The following STAM variants were observed in gnomAD, a reference collection of about 807,000 sequenced individuals.
The protein encoded by STAM is signal transducing adapter molecule 1.
Under a neutral mutation model 63.4 loss-of-function variants are expected in STAM, and 16 were observed. The ratio of observed to expected loss-of-function variants is 0.25; its 90% CI spans 0.17 to 0.38. STAM has a LOEUF of 0.38. Among genes scored for constraint, STAM ranks in the 10% least tolerant of loss-of-function variants. The probability of loss-of-function intolerance (pLI) is 1.00; values close to 1 mark genes in which losing one functional copy is unlikely to be tolerated. For synonymous variants in STAM, 238 were observed against 223.9 expected (o/e 1.06, Z -0.56); for missense variants, 636 against 657.1 (o/e 0.97, Z 0.35).
intron 9 of STAM, among the ~76,000 whole-genome samples, chr10:17,703,324 G>A (rs1156622056): frequency 6.6e-6 from 1 of 150,418 alleles, no homozygotes; most frequent in South Asian, 2.1e-4. Flanking sequence ...ATTTTGACTT[G>A]GGAAGAGTTT....
chr10:17,676,759 A>C (rs1834873800), intron 2 of STAM, among the ~76,000 whole-genome samples: 1 of 152,182 alleles, frequency 6.6e-6, no homozygotes, highest in South Asian at 2.1e-4. Context: ...CCATGCTTGT[A>C]ATCAACTTTC....
At chr10:17,669,310 T>C (rs1428829033) in intron 2 of STAM, among the ~76,000 whole-genome samples, 1 of 151,958 alleles carries the variant, frequency 6.6e-6, no homozygotes, top group African/African-American at 2.4e-5. Flanking sequence ...CACATGGTTT[T>C]AATTATTAAT....
chr10:17,675,976 A>G (rs1554824620), intron 2 of STAM, among the ~76,000 whole-genome samples: 1 of 152,190 alleles, frequency 6.6e-6, no homozygotes, highest in African/African-American at 2.4e-5. Context: ...ATGGGCAAAA[A>G]TGAGAAGTTT....
chr10:17,648,523 C>A (rs148313838), intron 1 of STAM, among the ~76,000 whole-genome samples: 190 of 152,290 alleles, frequency 1.2e-3, no homozygotes, highest in African/African-American at 4.4e-3. Context: ...CTCTTTGGGT[C>A]CGTGCTACCT....
intron 1 of STAM, among the ~76,000 whole-genome samples, chr10:17,655,586 G>T (rs934125380): frequency 1.3e-5 from 2 of 152,268 alleles, no homozygotes; most frequent in Admixed American, 6.5e-5. Flanking sequence ...TATTTTCTGC[G>T]ATTAAACTCA....
intron 5 of STAM, 106 bp downstream of exon 5, chr10:17,688,279 A>G: frequency 1.7e-6 from 2 of 1,185,232 alleles, no homozygotes; most frequent in Non-Finnish European, 2.3e-6. Context: ...ACTACTTCAG[A>G]GGAATTTTCG....
intron 2 of STAM, among the ~76,000 whole-genome samples, chr10:17,675,877 C>T (rs1172207301): frequency 6.6e-6 from 1 of 151,790 alleles, no homozygotes; most frequent in Non-Finnish European, 1.5e-5. Flanking sequence ...TTAGATTAAT[C>T]CAAAGGGCCG....
intron 2 of STAM, among the ~76,000 whole-genome samples, chr10:17,684,386 A>T (rs570706035): frequency 1.6e-4 from 24 of 152,140 alleles, no homozygotes; most frequent in African/African-American, 5.3e-4. Flanking sequence ...CCCTGGCTGG[A>T]AGTGGAAGTC....
At position 17,644,199 on chromosome 10, in the gene STAM, G is replaced by A; in HGVS notation, c.-141G>A. ...CTGCTGCCGCGGTTGGTGGGGTTGGGTGAGAGGAGGAGCTGTCGCGGACCC... is the reference window on the plus strand; with the variant it reads ...CTGCTGCCGCGGTTGGTGGGGTTGGATGAGAGGAGGAGCTGTCGCGGACCC... On this transcript the variant is annotated 5_prime_UTR_variant, in exon 1 of 14. In the 5' UTR this introduces an upstream ATG that the reference lacks. Transcript: ENST00000377524. The A allele has an allele frequency of 3.4e-6, 3 of 873,810 alleles. No homozygotes were observed. The allele number at this position is 873,810 out of a possible 1,614,324, so 54.1% of individuals were successfully genotyped here.
At chr10:17,708,979 A>T (rs1564573889) in intron 13 of STAM, 28 bp downstream of exon 13, 1 of 1,606,590 alleles carries the variant, frequency 6.2e-7, no homozygotes, top group Non-Finnish European at 8.5e-7. Flanking sequence ...TCTTGTTTGG[A>T]GTTAGTGCTG....
chr10:17,662,544 A>G (rs560033275), intron 2 of STAM, among the ~76,000 whole-genome samples: 4 of 152,294 alleles, frequency 2.6e-5, no homozygotes, highest in African/African-American at 9.6e-5. Context: ...AACCTAGTAG[A>G]TTTGTAGAAT....
At chr10:17,664,186 G>C (rs1330235653) in intron 2 of STAM, among the ~76,000 whole-genome samples, 3 of 152,038 alleles carry the variant, frequency 2.0e-5, no homozygotes, top group Admixed American at 2.0e-4. Flanking sequence ...GATCAACTTA[G>C]TAATAGAAAA....
intron 5 of STAM, among the ~76,000 whole-genome samples, chr10:17,689,672 A>G (rs1835447637): frequency 6.6e-6 from 1 of 152,226 alleles, no homozygotes; most frequent in Non-Finnish European, 1.5e-5. Context: ...ATCAAAGAGT[A>G]GACTCACTGC....
chr10:17,688,761 C>G (rs1554826419), intron 5 of STAM, among the ~76,000 whole-genome samples: 2 of 152,096 alleles, frequency 1.3e-5, no homozygotes, highest in African/African-American at 2.4e-5. Flanking sequence ...CCAGGCCCAG[C>G]CAGTACAGTT....
chr10:17,668,906 A>C (rs72780800), intron 2 of STAM, among the ~76,000 whole-genome samples: 11,720 of 152,266 alleles, frequency 0.077, 535 homozygotes, highest in Admixed American at 0.11. Flanking sequence ...ATTTTTAATA[A>C]AGCTGCTATA....
At chr10:17,656,571 A>G (rs782339607) in intron 1 of STAM, among the ~76,000 whole-genome samples, 7 of 152,174 alleles carry the variant, frequency 4.6e-5, no homozygotes, top group Non-Finnish European at 1.0e-4. Context: ...AACGGTACAA[A>G]TGTTGAATCA....
intron 13 of STAM, among the ~76,000 whole-genome samples, chr10:17,712,811 T>C (rs903089409): frequency 1.3e-5 from 2 of 152,114 alleles, no homozygotes; most frequent in Non-Finnish European, 2.9e-5. Context: ...TTTCTTTTTT[T>C]AATGGGAGCA....
At chr10:17,658,290 A>G (rs1834023780) in intron 1 of STAM, among the ~76,000 whole-genome samples, 1 of 151,482 alleles carries the variant, frequency 6.6e-6, no homozygotes, top group Non-Finnish European at 1.5e-5. Flanking sequence ...AGTTTATTCC[A>G]TTGTAATCAC....
chr10:17,646,335 G>C (rs1554820838), intron 1 of STAM, among the ~76,000 whole-genome samples: 1 of 152,056 alleles, frequency 6.6e-6, no homozygotes, highest in African/African-American at 2.4e-5. Context: ...CATGATTTTA[G>C]AAGTCTCAGG....
Sources: gnomAD v4.1 joint callset for allele counts (sites outside exome capture counted in the v4.1 genomes callset) on GRCh38, gnomAD v4.1.1 for gene constraint, MANE v1.5 for transcripts, NCBI Gene and HGNC (gene_info 2026-07-23, HGNC 2026-07-21) for gene names.